The following NR1H4 variants were observed in gnomAD, a reference collection of about 807,000 sequenced individuals.
The protein encoded by NR1H4 is nuclear receptor subfamily 1 group H member 4.
NR1H4 carries 23 observed loss-of-function variants against 58.5 expected under a neutral mutation model. The observed-to-expected ratio is 0.39, with a 90% CI of 0.28 to 0.56. The LOEUF (loss-of-function observed/expected upper bound fraction) is 0.56. Ranked by LOEUF, NR1H4 falls within the 20% of genes least tolerant of loss-of-function variation. The probability of loss-of-function intolerance (pLI) is 0.58; values close to 1 mark genes in which losing one functional copy is unlikely to be tolerated. For synonymous variants in NR1H4, 214 were observed against 198.0 expected (o/e 1.08, Z -0.68); for missense variants, 487 against 576.9 (o/e 0.84, Z 1.60).
intron 1 of NR1H4, among the ~76,000 whole-genome samples, chr12:100,478,115 T>A (rs1953307967): frequency 1.3e-5 from 2 of 152,076 alleles, no homozygotes; most frequent in South Asian, 4.2e-4. Context: ...TCAGCATAGG[T>A]TCATCGATTG....
At chr12:100,560,146 C>G (rs1340456053) in intron 9 of NR1H4, among the ~76,000 whole-genome samples, 1 of 152,146 alleles carries the variant, frequency 6.6e-6, no homozygotes, top group Non-Finnish European at 1.5e-5. Flanking sequence ...CTGATGGGGA[C>G]GTGGAGAACC....
At chr12:100,497,327 G>A (rs1037391042) in intron 3 of NR1H4, among the ~76,000 whole-genome samples, 2 of 152,172 alleles carry the variant, frequency 1.3e-5, no homozygotes, top group Non-Finnish European at 2.9e-5. Context: ...GGAACGTGCG[G>A]CATGCTCTTG....
At chr12:100,531,055 T>G (rs899977164) in intron 4 of NR1H4, among the ~76,000 whole-genome samples, 11 of 152,178 alleles carry the variant, frequency 7.2e-5, no homozygotes, top group Non-Finnish European at 5.9e-5. Context: ...GAGAACCACA[T>G]AGAGTGACCT....
chr12:100,542,614 T>C (rs1350675611), intron 9 of NR1H4, among the ~76,000 whole-genome samples: 2 of 152,214 alleles, frequency 1.3e-5, no homozygotes, highest in African/African-American at 2.4e-5. Context: ...ATGTTTTCTT[T>C]CTAAAGTCTT....
rs112487674 is a variant in NR1H4, at chr12:100,478,922, G to T, written c.-190+4863G>T. On this transcript the variant is annotated intron_variant, in intron 1 of 10. Coordinates refer to ENST00000392986, the MANE Select transcript of NR1H4 (RefSeq NM_001206979.2). ...AATATTATCAAAGTTAAAATTTTTT[G>T]ATAATCTCATAGGTGAAAATGGTAT... Among the ~76,000 whole-genome samples the T allele has an allele frequency of 8.4e-3, 1,273 of 152,188 alleles. 9 individuals are homozygous for T. Among genetic ancestry groups the T allele is most frequent in the Middle Eastern group, 0.024 (7 of 294 alleles).
intron 9 of NR1H4, among the ~76,000 whole-genome samples, chr12:100,560,859 G>C (rs1042890386): frequency 1.3e-5 from 2 of 152,198 alleles, no homozygotes; most frequent in African/African-American, 4.8e-5. Context: ...TGAGAGTGAG[G>C]AGGAGAAGCC....
At chr12:100,505,684 T>C (rs1235722468) in intron 3 of NR1H4, 1 of 679,884 alleles carries the variant, frequency 1.5e-6, no homozygotes, top group Non-Finnish European at 2.7e-6. Context: ...TACTCTTTGA[T>C]AGGCTAATTC....
chr12:100,539,497 C>G (rs1317796462), intron 8 of NR1H4, among the ~76,000 whole-genome samples: 1 of 152,170 alleles, frequency 6.6e-6, no homozygotes, highest in African/African-American at 2.4e-5. Context: ...TTTAGCGTTG[C>G]TCTCTTCTCT....
At chr12:100,536,431 G>A in intron 6 of NR1H4, 81 bp from the exon 7 acceptor site, 1 of 782,426 alleles carries the variant, frequency 1.3e-6, no homozygotes, top group Non-Finnish European at 2.3e-6. Context: ...CTGCTATTAG[G>A]TCCCTCCAGA....
At chr12:100,543,488 T>G (rs1265380597) in intron 9 of NR1H4, among the ~76,000 whole-genome samples, 3 of 152,096 alleles carry the variant, frequency 2.0e-5, no homozygotes, top group Admixed American at 2.0e-4. Flanking sequence ...CTGGGAGATA[T>G]ATCTTCGTGG....
Position 100,511,142 on chromosome 12 carries a change from A to C in NR1H4, c.444A>C (p.Lys148Asn). The C allele has an allele frequency of 1.2e-6, 2 of 1,614,226 alleles. No individual in the cohort carries two copies. The highest frequency in any genetic ancestry group is 2.7e-5 in the African/African-American group (2 of 75,050). The stretch of plus-strand genomic sequence containing the variant: ...ATGCACTGACCTGTGAGGGGTGTAA[A>C]GGTAAGCATCTTTGATTGGCAGTTT... ...HYNALTCEGC[K>N]GFFRRSITKN... Residue 148 changes from lysine to asparagine, a missense_variant and splice_region_variant, in exon 4 of 11, where the codon AAA becomes AAC. Transcript: ENST00000392986.
intron 4 of NR1H4, among the ~76,000 whole-genome samples, chr12:100,520,939 TC>T (rs1007898936): frequency 6.6e-6 from 1 of 152,160 alleles, no homozygotes; most frequent in Admixed American, 6.5e-5. Flanking sequence ...CAATATTTAT[TC>T]CTCTGAGCCT....
rs1042057259 is a variant in NR1H4, at chr12:100,505,573, A to G, written c.80-5205A>G. 5 of 700,970 alleles carry G rather than the reference A, an allele frequency of 7.1e-6. No individual in the cohort carries two copies. In the Admixed American group the frequency reaches 1.0e-4, roughly 14 times the overall value. The allele number at this position is 700,970 out of a possible 1,614,324, so 43.4% of individuals were successfully genotyped here. On this transcript the variant is annotated intron_variant, in intron 3 of 10. Coordinates refer to ENST00000392986, the MANE Select transcript of NR1H4 (RefSeq NM_001206979.2). ...ACCAGAAGAATTTTACTTTCTTTTC[A>G]GGGCTTCTCAGACTCCCCTGGAGTC...
intron 3 of NR1H4, chr12:100,505,689 T>G (rs1953943747): frequency 1.5e-6 from 1 of 659,542 alleles, no homozygotes; most frequent in Admixed American, 2.4e-5. Context: ...TTTGATAGGC[T>G]AATTCCAAAA....
chr12:100,494,833 T>G (rs1026012293), intron 3 of NR1H4, among the ~76,000 whole-genome samples: 4 of 152,160 alleles, frequency 2.6e-5, no homozygotes, highest in Admixed American at 2.0e-4. Context: ...GCACTCAAGA[T>G]TTTTTTTCAA....
At chr12:100,562,127 C>T in intron 10 of NR1H4, 129 bp downstream of exon 10, 1 of 621,770 alleles carries the variant, frequency 1.6e-6, no homozygotes, top group Non-Finnish European at 2.8e-6. Flanking sequence ...ATTCTGCTAT[C>T]CAAATAGAAC....
intron 9 of NR1H4, among the ~76,000 whole-genome samples, chr12:100,560,336 C>G (rs183887999): frequency 6.6e-6 from 1 of 152,182 alleles, no homozygotes. Context: ...TTTGTTCTTT[C>G]GCTCTTTGCA....
intron 9 of NR1H4, among the ~76,000 whole-genome samples, chr12:100,542,102 T>C (rs76588712): frequency 0.037 from 5,654 of 151,918 alleles, 303 homozygotes; most frequent in African/African-American, 0.12. Flanking sequence ...TCCCAGAACT[T>C]TGGGAGGCAG....
chr12:100,560,508 A>G (rs985769612), intron 9 of NR1H4, among the ~76,000 whole-genome samples: 13 of 152,074 alleles, frequency 8.5e-5, no homozygotes, highest in African/African-American at 3.1e-4. Flanking sequence ...TGTAACACTC[A>G]CCGCAAAGGT....
Sources: allele counts gnomAD v4.1 joint callset (sites outside exome capture counted in the v4.1 genomes callset), GRCh38; gene constraint gnomAD v4.1.1; transcripts MANE v1.5; gene names NCBI Gene and HGNC (gene_info 2026-07-23, HGNC 2026-07-21).